The following DSCAM variants were observed in gnomAD, a reference collection of about 807,000 sequenced individuals.
The protein encoded by DSCAM is cell adhesion molecule DSCAM.
A neutral mutation model predicts 217.7 loss-of-function variants in DSCAM; 47 were observed. The observed-to-expected ratio is 0.22, with a 90% CI of 0.17 to 0.28. DSCAM has a LOEUF of 0.28. DSCAM is among the 10% of genes least tolerant of loss of function. The probability of loss-of-function intolerance (pLI) is 1.00; values close to 1 mark genes in which losing one functional copy is unlikely to be tolerated. For synonymous variants in DSCAM, 1,056 were observed against 1,015.3 expected, an observed-to-expected ratio of 1.04 and a Z score of -0.76; for missense variants, 2,080 against 2,618.3, an observed-to-expected ratio of 0.79 and a Z score of 4.49.
intron 3 of DSCAM, among the ~76,000 whole-genome samples, chr21:40,400,631 G>A (rs2075225134): frequency 6.6e-6 from 1 of 152,168 alleles, no homozygotes; most frequent in South Asian, 2.1e-4. Flanking sequence ...TGCTTAGGCT[G>A]GTTTTGAACT....
intron 3 of DSCAM, among the ~76,000 whole-genome samples, chr21:40,484,781 A>T (rs867696308): frequency 1.2e-4 from 18 of 152,196 alleles, no homozygotes; most frequent in Non-Finnish European, 2.2e-4. Context: ...TGTTTTATAC[A>T]GGGAGATGTA....
At chr21:40,548,177 T>C (rs2076599147) in intron 3 of DSCAM, among the ~76,000 whole-genome samples, 1 of 152,196 alleles carries the variant, frequency 6.6e-6, no homozygotes, top group Non-Finnish European at 1.5e-5. Context: ...AAGCGCCAGC[T>C]CCTCGCACTG....
At chr21:40,814,715 C>A (rs2091866447) in intron 1 of DSCAM, among the ~76,000 whole-genome samples, 1 of 152,138 alleles carries the variant, frequency 6.6e-6, no homozygotes, top group Non-Finnish European at 1.5e-5. Context: ...TGACTTGGAA[C>A]CACACCCTGA....
At chr21:40,664,756 T>C (rs984344024) in intron 3 of DSCAM, among the ~76,000 whole-genome samples, 24 of 152,308 alleles carry the variant, frequency 1.6e-4, no homozygotes, top group African/African-American at 5.1e-4. Flanking sequence ...TTGAGGACTT[T>C]TGTTCAGAGG....
chr21:40,083,390 C>G (rs1212053990), intron 24 of DSCAM, among the ~76,000 whole-genome samples: 3 of 152,238 alleles, frequency 2.0e-5, no homozygotes, highest in Non-Finnish European at 4.4e-5. Context: ...GATAGTGCCA[C>G]TGCACTCCAG....
At chr21:40,623,029 C>T (rs1253675049) in intron 3 of DSCAM, among the ~76,000 whole-genome samples, 2 of 152,120 alleles carry the variant, frequency 1.3e-5, no homozygotes, top group Non-Finnish European at 2.9e-5. Context: ...TCAACACTTT[C>T]CTGGAAGCTG....
chr21:40,131,407 T>C (rs182157952), intron 19 of DSCAM, among the ~76,000 whole-genome samples: 5 of 152,210 alleles, frequency 3.3e-5, no homozygotes, highest in African/African-American at 1.2e-4. Context: ...TCTTCTCTTC[T>C]TCCACCCAAT....
intron 1 of DSCAM, among the ~76,000 whole-genome samples, chr21:40,709,080 T>G (rs577693111): frequency 1.3e-5 from 2 of 152,324 alleles, no homozygotes; most frequent in East Asian, 3.9e-4. Context: ...ACCATTGGAC[T>G]GTATATATTT....
At chr21:40,642,370 G>A (rs571188784) in intron 3 of DSCAM, among the ~76,000 whole-genome samples, 3 of 152,274 alleles carry the variant, frequency 2.0e-5, no homozygotes, top group South Asian at 4.2e-4. Context: ...AAGCAAGAGG[G>A]AGCAGCTGAT....
At chr21:40,151,715 G>A (rs1032053348) in intron 16 of DSCAM, among the ~76,000 whole-genome samples, 1 of 152,192 alleles carries the variant, frequency 6.6e-6, no homozygotes, top group African/African-American at 2.4e-5. Context: ...GTTGAAGAGA[G>A]GCCTGGCTTA....
intron 3 of DSCAM, among the ~76,000 whole-genome samples, chr21:40,424,179 C>G (rs2075450639): frequency 6.6e-6 from 1 of 152,124 alleles, no homozygotes; most frequent in African/African-American, 2.4e-5. Flanking sequence ...CTTTTATTTT[C>G]TAATTTAGAA....
intron 2 of DSCAM, among the ~76,000 whole-genome samples, chr21:40,694,829 GGGAGCTGA>G (rs2090578356): frequency 6.6e-6 from 1 of 151,874 alleles, no homozygotes; most frequent in African/African-American, 2.4e-5. Flanking sequence ...AACCTTTGCT[GGGAGCTGA>G]GGTCTACGGT....
intron 3 of DSCAM, among the ~76,000 whole-genome samples, chr21:40,591,420 C>T (rs142604324): frequency 3.3e-5 from 5 of 152,296 alleles, no homozygotes; most frequent in African/African-American, 1.2e-4. Flanking sequence ...ACACGCAATA[C>T]TAGTTGTTAT....
At position 40,673,087 on chromosome 21, in the gene DSCAM, C is replaced by T. The variant is rs528041067; in HGVS notation, c.508+19723G>A. ...ATATGCAGGCTGGCCCTGCCCCATC[C>T]CTTCCCTGGCCACCTCCCATCCTGA... On this transcript the variant is annotated intron_variant, in intron 3 of 32. Transcript: ENST00000400454. 2.6e-5 allele frequency among the ~76,000 whole-genome samples: 4 copies of T among 152,294 alleles called. No individual in the cohort carries two copies. The South Asian group carries it at 8.3e-4, about 32-fold the overall frequency.
intron 3 of DSCAM, among the ~76,000 whole-genome samples, chr21:40,507,457 A>G (rs1342192287): frequency 6.6e-6 from 1 of 152,174 alleles, no homozygotes; most frequent in Non-Finnish European, 1.5e-5. Context: ...ATAGCAGGCA[A>G]ATCACGTACT....
At chr21:40,337,491 T>C (rs1403404814) in intron 8 of DSCAM, among the ~76,000 whole-genome samples, 2 of 152,180 alleles carry the variant, frequency 1.3e-5, no homozygotes, top group African/African-American at 2.4e-5. Context: ...GATCACCTTA[T>C]TGTTTTTTTC....
intron 1 of DSCAM, among the ~76,000 whole-genome samples, chr21:40,817,430 T>C (rs991688851): frequency 1.3e-5 from 2 of 152,216 alleles, no homozygotes; most frequent in African/African-American, 4.8e-5. Flanking sequence ...AAAATGTGCA[T>C]GTCTGGGGGA....
At chr21:40,810,369 G>A (rs1213136719) in intron 1 of DSCAM, among the ~76,000 whole-genome samples, 1 of 152,212 alleles carries the variant, frequency 6.6e-6, no homozygotes, top group Non-Finnish European at 1.5e-5. Context: ...TGAAAAGGGG[G>A]AGAGAAGTCA....
At chr21:40,753,376 T>C (rs1454787076) in intron 1 of DSCAM, among the ~76,000 whole-genome samples, 1 of 152,176 alleles carries the variant, frequency 6.6e-6, no homozygotes, top group Non-Finnish European at 1.5e-5. Context: ...AACTGAAACA[T>C]CATGAATCAT....
Sources: allele counts gnomAD v4.1 joint callset (sites outside exome capture counted in the v4.1 genomes callset), GRCh38; gene constraint gnomAD v4.1.1; transcripts MANE v1.5; gene names NCBI Gene and HGNC (gene_info 2026-07-23, HGNC 2026-07-21).